AXDND1: variants seen among roughly 807,000 people sequenced by gnomAD.
AXDND1 encodes the protein axonemal dynein light chain domain-containing protein 1.
A neutral mutation model predicts 137.5 loss-of-function variants in AXDND1; 110 were observed. The ratio of observed to expected loss-of-function variants is 0.80; its 90% CI spans 0.69 to 0.94. The LOEUF is 0.94. AXDND1 is among the 40% of genes least tolerant of loss of function. The probability of loss-of-function intolerance (pLI) is 0.00; values close to 1 mark genes in which losing one functional copy is unlikely to be tolerated. For synonymous variants in AXDND1, 414 were observed against 399.7 expected (o/e 1.04, Z -0.43); for missense variants, 1,191 against 1,169.8 (o/e 1.02, Z -0.26).
intron 12 of AXDND1, 107 bp downstream of exon 12, chr1:179,411,373 C>G: frequency 7.0e-7 from 1 of 1,433,676 alleles, no homozygotes; most frequent in Non-Finnish European, 9.5e-7. Context: ...AAGAGTCTTA[C>G]TCACTCTGTT....
chr1:179,546,365 G>T (rs1382779162), intron 25 of AXDND1: 1 of 151,288 alleles, frequency 6.6e-6, no homozygotes, highest in Non-Finnish European at 1.5e-5. Context: ...GCTGCTCTCT[G>T]CAAGTTAGCC....
At chr1:179,384,516 GA>G in intron 8 of AXDND1, among the ~76,000 whole-genome samples, 1 of 152,218 alleles carries the variant, frequency 6.6e-6, no homozygotes, top group South Asian at 2.1e-4. Flanking sequence ...CAGAATCTAA[GA>G]AATCACATAG....
intron 15 of AXDND1, among the ~76,000 whole-genome samples, chr1:179,441,326 C>T (rs972607764): frequency 6.6e-6 from 1 of 152,156 alleles, no homozygotes; most frequent in Admixed American, 6.5e-5. Flanking sequence ...AGTTTTTCCA[C>T]AATTATAACA....
chr1:179,413,086 C>T (rs1301644657), intron 12 of AXDND1, among the ~76,000 whole-genome samples: 4 of 151,982 alleles, frequency 2.6e-5, no homozygotes, highest in African/African-American at 9.7e-5. Flanking sequence ...GTTTTTAACA[C>T]CTTTATTGAA....
At position 179,411,286 on chromosome 1, in the gene AXDND1, C is replaced by A. The variant is rs765533798; in HGVS notation, c.1230+20C>A. Reference sequence around the variant, plus strand: ...CTGAAGGTTAGTTCATCTGGATTCACAACTCACACTTCTTTTTTGGCTAAA... The same window carrying A: ...CTGAAGGTTAGTTCATCTGGATTCAAAACTCACACTTCTTTTTTGGCTAAA... On this transcript the variant is annotated intron_variant, in intron 12 of 25. Transcript: ENST00000367618. 22 of 1,600,298 alleles carry A rather than the reference C, an allele frequency of 1.4e-5. No individual in the cohort carries two copies. The East Asian group carries it at 4.7e-4, about 34-fold the overall frequency.
chr1:179,458,318 T>A (rs1661716803), intron 16 of AXDND1, among the ~76,000 whole-genome samples: 1 of 152,160 alleles, frequency 6.6e-6, no homozygotes, highest in Non-Finnish European at 1.5e-5. Flanking sequence ...ATAGCTAAGT[T>A]TTATTTAAAC....
chr1:179,431,560 G>GTT (rs776648052), intron 14 of AXDND1, among the ~76,000 whole-genome samples: 2 of 145,668 alleles, frequency 1.4e-5, no homozygotes. Flanking sequence ...GATTTCTAAG[G>GTT]TTTTTTTTTT....
At chr1:179,537,413 C>T (rs2125715564) in intron 25 of AXDND1, among the ~76,000 whole-genome samples, 1 of 151,848 alleles carries the variant, frequency 6.6e-6, no homozygotes, top group Non-Finnish European at 1.5e-5. Flanking sequence ...GCATGAAGGG[C>T]TGTTGTTGAA....
At chr1:179,487,525 AGGTTTAAATTG>A (rs1666217023) in intron 18 of AXDND1, among the ~76,000 whole-genome samples, 1 of 43,878 alleles carries the variant, frequency 2.3e-5, no homozygotes, top group Admixed American at 3.5e-4. Context: ...TTATAATTGC[AGGTTTAAATTG>A]CAGATTAAAC....
At chr1:179,408,284 T>C (rs542201252) in intron 11 of AXDND1, among the ~76,000 whole-genome samples, 1 of 152,314 alleles carries the variant, frequency 6.6e-6, no homozygotes, top group African/African-American at 2.4e-5. Flanking sequence ...CTGTTGAGAT[T>C]GGTTACTAGA....
rs534120307 is a variant in AXDND1, at chr1:179,422,059, A to G, written c.1231-7459A>G. Among the ~76,000 whole-genome samples, 3 of 151,814 alleles carry G rather than the reference A, an allele frequency of 2.0e-5. No homozygotes were observed. In the South Asian group the frequency reaches 6.2e-4, roughly 32 times the overall value. On this transcript the variant is annotated intron_variant, in intron 12 of 25. Coordinates refer to ENST00000367618, the MANE Select transcript of AXDND1 (RefSeq NM_144696.6). ...CCATCTCAAAAGAAAAAAAAAAAAA[A>G]AAACAGCAGCTTTTCCTTTCATTGA...
intron 8 of AXDND1, 83 bp downstream of exon 8, chr1:179,383,627 C>A: frequency 9.9e-7 from 1 of 1,013,610 alleles, no homozygotes. Context: ...TCTGACCCTG[C>A]CATATATTTA....
At chr1:179,418,853 T>C (rs1347997214) in intron 12 of AXDND1, among the ~76,000 whole-genome samples, 2 of 149,860 alleles carry the variant, frequency 1.3e-5, no homozygotes, top group East Asian at 4.0e-4. Context: ...ACTCCTCACT[T>C]CTCAGACGGG....
chr1:179,436,963 T>G (rs924171995), intron 15 of AXDND1, among the ~76,000 whole-genome samples: 1 of 152,028 alleles, frequency 6.6e-6, no homozygotes, highest in Non-Finnish European at 1.5e-5. Context: ...ATTAGTAACT[T>G]TTGCTTTCAT....
chr1:179,432,761 G>A (rs6673472), intron 15 of AXDND1, among the ~76,000 whole-genome samples: 94,866 of 151,800 alleles, frequency 0.62, 30,256 homozygotes, highest in Middle Eastern at 0.7. Flanking sequence ...ATTAGGGGCC[G>A]GGCACGGTGG....
intron 17 of AXDND1, among the ~76,000 whole-genome samples, chr1:179,474,592 GC>G (rs1480619463): frequency 6.6e-6 from 1 of 152,080 alleles, no homozygotes; most frequent in Non-Finnish European, 1.5e-5. Context: ...TTTTGACTCT[GC>G]CCTAGAAATC....
intron 12 of AXDND1, among the ~76,000 whole-genome samples, chr1:179,416,796 G>A (rs1040837754): frequency 6.6e-6 from 1 of 152,152 alleles, no homozygotes; most frequent in African/African-American, 2.4e-5. Context: ...AGCCTGGGGA[G>A]TAACAGTGCA....
At chr1:179,445,404 A>C (rs1403403266) in intron 16 of AXDND1, among the ~76,000 whole-genome samples, 200 bp downstream of exon 16, 1 of 152,170 alleles carries the variant, frequency 6.6e-6, no homozygotes, top group African/African-American at 2.4e-5. Flanking sequence ...TGTATAATTC[A>C]GTGATTTTTA....
chr1:179,508,209 A>G (rs763477539), intron 20 of AXDND1, among the ~76,000 whole-genome samples: 4 of 151,938 alleles, frequency 2.6e-5, no homozygotes, highest in Admixed American at 6.6e-5. Flanking sequence ...GGTGGTGCAC[A>G]CCTGTGGTCC....
Sources: allele counts gnomAD v4.1 joint callset (sites outside exome capture counted in the v4.1 genomes callset), GRCh38; gene constraint gnomAD v4.1.1; transcripts MANE v1.5; gene names NCBI Gene and HGNC (gene_info 2026-07-23, HGNC 2026-07-21).